Variants in MPRIP observed in about 807,000 individuals in gnomAD.
The protein encoded by MPRIP is myosin phosphatase Rho interacting protein.
Under a neutral mutation model 234.9 loss-of-function variants are expected in MPRIP, and 59 were observed. The observed-to-expected ratio is 0.25, with a 90% CI of 0.20 to 0.31. MPRIP has a LOEUF of 0.31. Among genes scored for constraint, MPRIP ranks in the 10% least tolerant of loss-of-function variants. The probability of loss-of-function intolerance (pLI) is 1.00; values close to 1 mark genes in which losing one functional copy is unlikely to be tolerated. For synonymous variants in MPRIP, 1,144 were observed against 1,263.9 expected, an observed-to-expected ratio of 0.91 and a Z score of 2.01; for missense variants, 2,436 against 3,071.0, an observed-to-expected ratio of 0.79 and a Z score of 4.89.
intron 7 of MPRIP, among the ~76,000 whole-genome samples, chr17:17,139,417 G>C (rs188797766): frequency 1.3e-3 from 201 of 152,302 alleles, no homozygotes; most frequent in African/African-American, 4.7e-3. Context: ...AAGAGAGTTA[G>C]GGTTAGGCAC....
rs775816038 is a variant in MPRIP, at chr17:17,142,716, G to A, written c.1340G>A (p.Ser447Asn). 5.0e-6 allele frequency: 8 copies of A among 1,612,520 alleles called. No individual in the cohort carries two copies. The South Asian group carries it at 5.5e-5, about 11-fold the overall frequency. The change falls in exon 8 of 24, where the codon AGC becomes AAC. Residue 447 changes from serine (S) to asparagine (N), a missense_variant. Ser to Asn is a conservative substitution (Grantham distance 46). Around this residue, in one of 4 missense-constraint regions of MPRIP, gnomAD observed 267 missense variants for 252.7 expected, o/e 1.06. Coordinates refer to ENST00000651222, the MANE Select transcript of MPRIP (RefSeq NM_001364716.4). ...ETNAVGPSPSSDTRQGRSEKR... is the reference protein window; with the variant it reads ...ETNAVGPSPSNDTRQGRSEKR... Reference sequence around the variant, plus strand: ...AATGCAGTGGGGCCCTCACCATCCAGCGACACACGCCAGGGCCGCAGCGAG... The same window carrying A: ...AATGCAGTGGGGCCCTCACCATCCAACGACACACGCCAGGGCCGCAGCGAG...
intron 1 of MPRIP, among the ~76,000 whole-genome samples, chr17:17,047,341 C>CT (rs559801003): frequency 1.3e-5 from 2 of 151,880 alleles, no homozygotes; most frequent in Non-Finnish European, 2.9e-5. Flanking sequence ...TGCCACTTGT[C>CT]TTTTTTGTGT....
intron 1 of MPRIP, among the ~76,000 whole-genome samples, chr17:17,048,074 T>C (rs1371043212): frequency 6.6e-6 from 1 of 150,916 alleles, no homozygotes; most frequent in Non-Finnish European, 1.5e-5. Flanking sequence ...TCCTGCTGAC[T>C]GTGTAACTTC....
intron 1 of MPRIP, among the ~76,000 whole-genome samples, chr17:17,064,297 G>A (rs970459941): frequency 3.3e-5 from 5 of 151,898 alleles, no homozygotes; most frequent in Non-Finnish European, 7.4e-5. Flanking sequence ...CGCTTCCTGG[G>A]TTGAAGCGAT....
intron 3 of MPRIP, among the ~76,000 whole-genome samples, chr17:17,124,183 C>T (rs899598199): frequency 3.3e-5 from 5 of 152,286 alleles, no homozygotes; most frequent in Admixed American, 2.0e-4. Context: ...CGTTCAGCAG[C>T]AGAGCAGGGG....
At chr17:17,111,467 C>CT (rs1164770769) in intron 3 of MPRIP, among the ~76,000 whole-genome samples, 1 of 152,138 alleles carries the variant, frequency 6.6e-6, no homozygotes, top group Non-Finnish European at 1.5e-5. Flanking sequence ...TCACCAGGGG[C>CT]TTTTTCCCAT....
intron 3 of MPRIP, among the ~76,000 whole-genome samples, chr17:17,083,616 G>A (rs570725444): frequency 2.6e-5 from 4 of 152,282 alleles, no homozygotes; most frequent in African/African-American, 7.2e-5. Context: ...GCAGCTGACC[G>A]CCCAGTTCCC....
At chr17:17,110,758 T>C (rs2144279111) in intron 3 of MPRIP, among the ~76,000 whole-genome samples, 1 of 152,188 alleles carries the variant, frequency 6.6e-6, no homozygotes, top group South Asian at 2.1e-4. Context: ...AAACCCAAAT[T>C]GAGGTGCAGT....
chr17:17,139,438 A>G (rs1222816058), intron 7 of MPRIP, among the ~76,000 whole-genome samples: 1 of 152,232 alleles, frequency 6.6e-6, no homozygotes, highest in Non-Finnish European at 1.5e-5. Context: ...TCTTCTGGGA[A>G]GAAGACCCAT....
chr17:17,083,784 G>A (rs1394749641), intron 3 of MPRIP, among the ~76,000 whole-genome samples: 1 of 152,062 alleles, frequency 6.6e-6, no homozygotes, highest in Admixed American at 6.6e-5. Context: ...TCACTCTGTC[G>A]CCAGGCTGGA....
chr17:17,102,656 C>A (rs1411429849), intron 3 of MPRIP, among the ~76,000 whole-genome samples: 1 of 152,082 alleles, frequency 6.6e-6, no homozygotes, highest in Non-Finnish European at 1.5e-5. Context: ...ATACACACCC[C>A]CAAGAGAGGC....
At chr17:17,077,587 G>A (rs971297369) in intron 2 of MPRIP, 1 of 157,810 alleles carries the variant, frequency 6.3e-6, no homozygotes, top group African/African-American at 2.4e-5. Flanking sequence ...TTTTTCAGAA[G>A]TGGTGAATCC....
At chr17:17,099,829 T>C (rs967971617) in intron 3 of MPRIP, among the ~76,000 whole-genome samples, 2 of 152,170 alleles carry the variant, frequency 1.3e-5, no homozygotes, top group African/African-American at 4.8e-5. Flanking sequence ...GCCATGAAAA[T>C]GGTCTGCTGT....
intron 9 of MPRIP, 80 bp from the exon 10 acceptor site, chr17:17,145,956 G>T (rs1185545438): frequency 4.0e-5 from 55 of 1,370,700 alleles, no homozygotes; most frequent in Non-Finnish European, 5.5e-5. Flanking sequence ...GCCTCATCTG[G>T]ACAGAAATAC....
intron 17 of MPRIP, 109 bp downstream of exon 17, chr17:17,171,974 T>A: frequency 8.0e-7 from 1 of 1,257,420 alleles, no homozygotes; most frequent in Non-Finnish European, 1.1e-6. Flanking sequence ...GGCTGAGATG[T>A]AAACTTCATT....
Position 17,126,928 on chromosome 17 carries a change from T to C in MPRIP, c.419+75T>C. On this transcript the variant is annotated intron_variant, in intron 4 of 23. Transcript: ENST00000651222. Reference sequence around the variant, plus strand: ...CAACACCAGATGGGCCGCCTGCCCCTGTGGCAGTGTCGATGTTGTCTACTT... The same window carrying C: ...CAACACCAGATGGGCCGCCTGCCCCCGTGGCAGTGTCGATGTTGTCTACTT... 6.5e-6 allele frequency: 10 copies of C among 1,542,738 alleles called. No homozygotes were observed. In the South Asian group the frequency reaches 1.2e-4, roughly 19 times the overall value.
chr17:17,105,760 C>T (rs1271742390), intron 3 of MPRIP, among the ~76,000 whole-genome samples: 1 of 152,218 alleles, frequency 6.6e-6, no homozygotes, highest in East Asian at 1.9e-4. Context: ...GCCCTAATTC[C>T]AGCTCAGCCA....
In MPRIP at chr17:17,185,775, G is replaced by T. The variant is rs1218830871; in HGVS notation, c.*881G>T. ...GGTTTTTTTTTTACCTTTTGGAAAA[G>T]AAACCGTCACATTGCTTTGGAAAAG... On this transcript the variant is annotated 3_prime_UTR_variant, in exon 24 of 24. Transcript: ENST00000651222. 7 of 344,976 alleles carry T rather than the reference G, an allele frequency of 2.0e-5. No individual in the cohort carries two copies. Among genetic ancestry groups the T allele is most frequent in the Non-Finnish European group, 4.0e-5 (7 of 176,832 alleles). The allele number at this position is 344,976 out of a possible 1,614,324, so 21.4% of individuals were successfully genotyped here.
intron 1 of MPRIP, among the ~76,000 whole-genome samples, chr17:17,053,263 T>G (rs947785525): frequency 1.3e-5 from 2 of 152,118 alleles, no homozygotes; most frequent in African/African-American, 2.4e-5. Context: ...AGCTCCATTT[T>G]CCATGCTAAT....
Sources: gnomAD v4.1 joint callset for allele counts (sites outside exome capture counted in the v4.1 genomes callset) on GRCh38, gnomAD v4.1.1 for gene constraint, gnomAD v4.1.1 regional missense constraint, MANE v1.5 for transcripts, NCBI Gene and HGNC (gene_info 2026-07-23, HGNC 2026-07-21) for gene names.